ZBTB7C: variants seen among roughly 807,000 people sequenced by gnomAD.
ZBTB7C encodes zinc finger and BTB domain containing 7C.
In ZBTB7C, 8 loss-of-function variants were observed where a neutral mutation model predicts 25.7. The observed-to-expected ratio is 0.31, with a 90% CI of 0.18 to 0.56. The LOEUF (loss-of-function observed/expected upper bound fraction) is 0.56, where lower values mean the gene tolerates loss of function less well. Ranked by LOEUF, ZBTB7C falls within the 20% of genes least tolerant of loss-of-function variation. The pLI is 0.91. For missense variants in ZBTB7C, 824 were observed against 855.2 expected (o/e 0.96, Z 0.46); for synonymous variants, 394 against 369.0 (o/e 1.07, Z -0.78).
chr18:48,281,619 C>A (rs894583816), intron 2 of ZBTB7C, among the ~76,000 whole-genome samples: 7,558 of 151,958 alleles, frequency 0.05, 241 homozygotes, highest in Non-Finnish European at 0.07. Context: ...TACAAGAAAA[C>A]AACTAACAAC....
At chr18:48,383,682 G>A (rs970055272) in intron 1 of ZBTB7C, among the ~76,000 whole-genome samples, 3 of 152,136 alleles carry the variant, frequency 2.0e-5, no homozygotes, top group African/African-American at 4.8e-5. Flanking sequence ...TTAAGGCACC[G>A]AAAAAGGTGG....
chr18:48,208,420 T>C (rs777756399), intron 2 of ZBTB7C, among the ~76,000 whole-genome samples: 1 of 152,050 alleles, frequency 6.6e-6, no homozygotes, highest in Non-Finnish European at 1.5e-5. Context: ...AAGAAATTAA[T>C]AAAATTGGTT....
chr18:48,320,446 C>T (rs1392245628), intron 2 of ZBTB7C, among the ~76,000 whole-genome samples: 1 of 152,162 alleles, frequency 6.6e-6, no homozygotes, highest in East Asian at 1.9e-4. Flanking sequence ...GTCCGCTGCG[C>T]CTAGGAGAAC....
At chr18:48,217,057 G>T (rs375823374) in intron 2 of ZBTB7C, among the ~76,000 whole-genome samples, 253 of 152,240 alleles carry the variant, frequency 1.7e-3, no homozygotes, top group African/African-American at 6.0e-3. Context: ...GCCACAGGCT[G>T]CCAGCAGCCC....
chr18:48,127,561 C>G (rs1317635634), intron 3 of ZBTB7C, among the ~76,000 whole-genome samples: 3 of 152,230 alleles, frequency 2.0e-5, no homozygotes, highest in African/African-American at 7.2e-5. Context: ...GAGGCATCGC[C>G]TTCGATGGCC....
At chr18:48,262,879 TGC>T (rs2044210094) in intron 2 of ZBTB7C, among the ~76,000 whole-genome samples, 1 of 152,114 alleles carries the variant, frequency 6.6e-6, no homozygotes, top group Non-Finnish European at 1.5e-5. Context: ...TATCACTGGA[TGC>T]AGAATCTGCG....
intron 2 of ZBTB7C, among the ~76,000 whole-genome samples, chr18:48,293,440 G>A (rs189701987): frequency 4.4e-4 from 67 of 152,284 alleles, no homozygotes; most frequent in African/African-American, 1.5e-3. Context: ...GGACATAAAC[G>A]TTTAAACATT....
intron 2 of ZBTB7C, among the ~76,000 whole-genome samples, chr18:48,209,626 C>T (rs1410666567): frequency 6.6e-6 from 1 of 151,928 alleles, no homozygotes; most frequent in African/African-American, 2.4e-5. Flanking sequence ...CATGGTGGGT[C>T]ACATTTGTAG....
chr18:48,238,812 C>T (rs2043447665), intron 2 of ZBTB7C, among the ~76,000 whole-genome samples: 1 of 152,182 alleles, frequency 6.6e-6, no homozygotes, highest in Non-Finnish European at 1.5e-5. Flanking sequence ...AGTGCAGATA[C>T]CAGCAGAGAA....
chr18:48,408,244 T>C (rs2048327497), intron 1 of ZBTB7C: 1 of 152,310 alleles, frequency 6.6e-6, no homozygotes, highest in African/African-American at 2.4e-5. Context: ...CGCTTCGCTT[T>C]TCTTTGGCTC....
At chr18:48,151,985 C>G (rs1221285205) in intron 3 of ZBTB7C, among the ~76,000 whole-genome samples, 2 of 152,144 alleles carry the variant, frequency 1.3e-5, no homozygotes, top group Non-Finnish European at 2.9e-5. Context: ...AGCCCTGTCA[C>G]AGGAGGGAGG....
chr18:48,063,498 C>T (rs924088771), intron 3 of ZBTB7C, among the ~76,000 whole-genome samples: 1 of 151,844 alleles, frequency 6.6e-6, no homozygotes, highest in Non-Finnish European at 1.5e-5. Flanking sequence ...CATAACAGAA[C>T]TGGGAAGAAA....
intron 2 of ZBTB7C, among the ~76,000 whole-genome samples, chr18:48,258,374 G>A (rs918317864): frequency 2.0e-5 from 3 of 152,236 alleles, no homozygotes; most frequent in Admixed American, 6.5e-5. Flanking sequence ...GTTGTACCAC[G>A]TTTGTGATAT....
At chr18:48,230,054 T>G (rs1364535685) in intron 2 of ZBTB7C, among the ~76,000 whole-genome samples, 2 of 152,172 alleles carry the variant, frequency 1.3e-5, no homozygotes, top group Non-Finnish European at 2.9e-5. Flanking sequence ...TAGTTTGCAT[T>G]TTCTAAATAA....
At chr18:48,228,814 C>T (rs1419392707) in intron 2 of ZBTB7C, among the ~76,000 whole-genome samples, 6 of 152,028 alleles carry the variant, frequency 3.9e-5, no homozygotes, top group Non-Finnish European at 7.4e-5. Flanking sequence ...CACCCCCATG[C>T]ACCCTTACGC....
chr18:48,199,386 A>G (rs1316124281), intron 2 of ZBTB7C, among the ~76,000 whole-genome samples: 1 of 152,164 alleles, frequency 6.6e-6, no homozygotes, highest in Non-Finnish European at 1.5e-5. Flanking sequence ...ACATTCTGAG[A>G]AAGTCCGTCA....
At chr18:48,117,965 A>C (rs1487822694) in intron 3 of ZBTB7C, among the ~76,000 whole-genome samples, 1 of 150,832 alleles carries the variant, frequency 6.6e-6, no homozygotes, top group South Asian at 2.1e-4. Context: ...CAGTATTTTC[A>C]TTAACAATCA....
intron 3 of ZBTB7C, among the ~76,000 whole-genome samples, chr18:48,135,028 T>G (rs1484428864): frequency 6.6e-6 from 1 of 152,120 alleles, no homozygotes; most frequent in East Asian, 1.9e-4. Context: ...CCTCTCCTCC[T>G]CTTCATCCAG....
At chr18:48,106,394 A>G (rs1185623333) in intron 3 of ZBTB7C, among the ~76,000 whole-genome samples, 2 of 152,164 alleles carry the variant, frequency 1.3e-5, no homozygotes, top group South Asian at 2.1e-4. Flanking sequence ...AATCCAAGAC[A>G]TGTATACAGG....
Sources: gnomAD v4.1 joint callset for allele counts (sites outside exome capture counted in the v4.1 genomes callset) on GRCh38, gnomAD v4.1.1 for gene constraint, MANE v1.5 for transcripts, NCBI Gene and HGNC (gene_info 2026-07-23, HGNC 2026-07-21) for gene names.